The following ST3GAL1 variants were observed in gnomAD, a reference collection of about 807,000 sequenced individuals.
ST3GAL1 encodes CMP-N-acetylneuraminate-beta-galactosamide-alpha-2,3-sialyltransferase 1.
In ST3GAL1, 16 loss-of-function variants were observed where a neutral mutation model predicts 34.1. The observed-to-expected ratio is 0.47, with a 90% CI of 0.32 to 0.71. ST3GAL1 has a LOEUF of 0.71. Among genes scored for constraint, ST3GAL1 ranks in the 30% least tolerant of loss-of-function variants. The pLI is 0.04. For synonymous variants in ST3GAL1, 191 were observed against 184.7 expected, an observed-to-expected ratio of 1.03 and a Z score of -0.28; for missense variants, 353 against 447.4, an observed-to-expected ratio of 0.79 and a Z score of 1.90.
At chr8:133,518,570 G>T (rs1305234119) in intron 2 of ST3GAL1, among the ~76,000 whole-genome samples, 1 of 152,150 alleles carries the variant, frequency 6.6e-6, no homozygotes, top group African/African-American at 2.4e-5. Flanking sequence ...ATTAGTCAAG[G>T]ACTTCAGGTT....
intron 3 of ST3GAL1, among the ~76,000 whole-genome samples, chr8:133,477,187 A>C (rs1047059742): frequency 2.0e-5 from 3 of 152,180 alleles, no homozygotes; most frequent in Non-Finnish European, 4.4e-5. Flanking sequence ...GCAAAGTGGG[A>C]TACTAACACC....
At chr8:133,569,875 C>G (rs532669717) in intron 1 of ST3GAL1, among the ~76,000 whole-genome samples, 1 of 152,354 alleles carries the variant, frequency 6.6e-6, no homozygotes, top group South Asian at 2.1e-4. Context: ...GCAGCTTCTA[C>G]GAACAGGCCA....
rs1181520968 is a variant in ST3GAL1 at position 133,540,764 on chromosome 8, C to CATAT, written c.-429+5006_-429+5009dup. Among the ~76,000 whole-genome samples the CATAT allele has an allele frequency of 3.4e-3, 258 of 75,216 alleles. 8 individuals carry two copies. Among genetic ancestry groups the CATAT allele is most frequent in the South Asian group, 4.8e-3 (9 of 1,884 alleles). 49.3% of individuals were successfully genotyped at this position (75,216 alleles called of 152,430 possible). ...ATATAGACATATATATATATATAGA[C>CATAT]ATATATATATAGAGACATATATATA... On this transcript the variant is annotated intron_variant, in intron 2 of 9. Coordinates refer to ENST00000522652, the MANE Select transcript of ST3GAL1 (RefSeq NM_173344.3).
chr8:133,474,105 G>A (rs1816068534), intron 5 of ST3GAL1, among the ~76,000 whole-genome samples: 1 of 152,146 alleles, frequency 6.6e-6, no homozygotes, highest in Admixed American at 6.5e-5. Context: ...TCTCACACAT[G>A]TTTTCTGTTC....
chr8:133,469,249 C>T lies in ST3GAL1; in HGVS notation c.307-3159G>A, dbSNP rs1222813223. Among the ~76,000 whole-genome samples the T allele has an allele frequency of 6.6e-6, 1 of 152,120 alleles. No homozygotes were observed. Among genetic ancestry groups the T allele is most frequent in the Non-Finnish European group, 1.5e-5 (1 of 68,034 alleles). ...TTTGATTTGATTTGATATGGAGTCT[C>T]ACTCTATCGCCCAGGCTGGAATGCA... On this transcript the variant is annotated intron_variant, in intron 5 of 9. Coordinates refer to ENST00000522652, the MANE Select transcript of ST3GAL1 (RefSeq NM_173344.3). The surrounding 1 kb of genome is among the most constrained non-coding windows in gnomAD (Gnocchi z 4.3).
At chr8:133,550,879 T>A (rs980244741) in intron 1 of ST3GAL1, among the ~76,000 whole-genome samples, 1 of 152,196 alleles carries the variant, frequency 6.6e-6, no homozygotes, top group Non-Finnish European at 1.5e-5. Context: ...ATAACTCTCA[T>A]AAGAGAGTGT....
chr8:133,515,335 C>G (rs1387120083), intron 2 of ST3GAL1, among the ~76,000 whole-genome samples: 1 of 152,156 alleles, frequency 6.6e-6, no homozygotes, highest in African/African-American at 2.4e-5. Flanking sequence ...GATATTTGTC[C>G]CCTCCAAATC....
rs1458101417 is a variant in ST3GAL1 at position 133,457,198 on chromosome 8, C to G, written c.*2566G>C. The G allele has an allele frequency of 1.3e-5, 2 of 152,164 alleles. No individual in the cohort carries two copies. Among genetic ancestry groups the G allele is most frequent in the East Asian group, 3.9e-4 (2 of 5,190 alleles). The allele number at this position is 152,164 out of a possible 1,614,324, so 9.4% of individuals were successfully genotyped here. On this transcript the variant is annotated 3_prime_UTR_variant, in exon 10 of 10. Coordinates refer to ENST00000522652, the MANE Select transcript of ST3GAL1 (RefSeq NM_173344.3). ...GATTTGGAGGCTGGAAGAGATCTCA[C>G]AGCTTGACCACCCTAGTAGGAGGGA...
In ST3GAL1 at chr8:133,454,988, G is replaced by A. The variant is rs926644946; in HGVS notation, c.*4776C>T. On this transcript the variant is annotated 3_prime_UTR_variant, in exon 10 of 10. Transcript: ENST00000522652. Reference sequence around the variant, plus strand: ...TGCATCCCAACCAGTGCTCAGCTGCGTAACGACATGGAGAGAGGCAGGGGG... The same window carrying A: ...TGCATCCCAACCAGTGCTCAGCTGCATAACGACATGGAGAGAGGCAGGGGG... The A allele has an allele frequency of 6.6e-6, 1 of 152,266 alleles. No homozygotes were observed. The highest frequency in any genetic ancestry group is 1.9e-4 in the East Asian group (1 of 5,200). The allele number at this position is 152,266 out of a possible 1,614,324, so 9.4% of individuals were successfully genotyped here.
chr8:133,478,303 A>T (rs1307322850), intron 3 of ST3GAL1, among the ~76,000 whole-genome samples: 1 of 152,204 alleles, frequency 6.6e-6, no homozygotes, highest in African/African-American at 2.4e-5. Flanking sequence ...AGGGATGGGC[A>T]TGTGCCTTAA....
At chr8:133,514,563 C>T (rs1817589779) in intron 2 of ST3GAL1, among the ~76,000 whole-genome samples, 1 of 152,116 alleles carries the variant, frequency 6.6e-6, no homozygotes, top group Non-Finnish European at 1.5e-5. Flanking sequence ...TCTCCTCCAC[C>T]GCATGCTCTC....
At chr8:133,546,220 C>G (rs187189977) in intron 1 of ST3GAL1, among the ~76,000 whole-genome samples, 1 of 152,168 alleles carries the variant, frequency 6.6e-6, no homozygotes, top group South Asian at 2.1e-4. Flanking sequence ...GCGGCTTGGG[C>G]GCCTGTAATC....
intron 1 of ST3GAL1, among the ~76,000 whole-genome samples, chr8:133,557,038 C>G (rs1265724114): frequency 6.6e-6 from 1 of 152,152 alleles, no homozygotes; most frequent in Non-Finnish European, 1.5e-5. Context: ...CCTGGGAGAC[C>G]TTCAGGCAAT....
intron 5 of ST3GAL1, among the ~76,000 whole-genome samples, chr8:133,474,779 A>G (rs1052205513): frequency 6.6e-6 from 1 of 152,162 alleles, no homozygotes; most frequent in Non-Finnish European, 1.5e-5. Flanking sequence ...CTGCTGTCTC[A>G]GAGACCTCCC....
At chr8:133,495,934 C>T (rs1563713851) in intron 3 of ST3GAL1, among the ~76,000 whole-genome samples, 1 of 152,232 alleles carries the variant, frequency 6.6e-6, no homozygotes, top group Non-Finnish European at 1.5e-5. Flanking sequence ...AGGGCACACG[C>T]TGTGTCTTAT....
intron 2 of ST3GAL1, among the ~76,000 whole-genome samples, chr8:133,529,933 C>G (rs572300815): frequency 6.6e-6 from 1 of 152,164 alleles, no homozygotes; most frequent in Non-Finnish European, 1.5e-5. Context: ...GCCCCCTGCC[C>G]GCTCCTTTCT....
chr8:133,522,945 C>A lies in ST3GAL1; in HGVS notation c.-429+22829G>T, dbSNP rs548541176. ...AGAGAAGGTGCTAAGAAAATGAGCA[C>A]TGTGGGGAAGAGACAGGGATGAAAT... is the stretch of plus-strand genomic sequence containing the variant. On this transcript the variant is annotated intron_variant, in intron 2 of 9. Coordinates refer to ENST00000522652, the MANE Select transcript of ST3GAL1 (RefSeq NM_173344.3). Among the ~76,000 whole-genome samples, 8 of 152,310 alleles carry A rather than the reference C, an allele frequency of 5.3e-5. No individual in the cohort carries two copies. The East Asian group carries it at 9.7e-4, about 18-fold the overall frequency.
At chr8:133,463,089 C>T (rs567948381) in intron 8 of ST3GAL1, among the ~76,000 whole-genome samples, 28 of 152,302 alleles carry the variant, frequency 1.8e-4, no homozygotes, top group African/African-American at 6.0e-4. Flanking sequence ...ATTCACAAAC[C>T]GCAGCAAGCA....
chr8:133,517,496 C>T (rs531445247), intron 2 of ST3GAL1, among the ~76,000 whole-genome samples: 179 of 152,290 alleles, frequency 1.2e-3, no homozygotes, highest in African/African-American at 4.0e-3. Context: ...ACTACAGGCG[C>T]GTGCCAACCC....
Sources: gnomAD v4.1 joint callset for allele counts (sites outside exome capture counted in the v4.1 genomes callset) on GRCh38, gnomAD v4.1.1 for gene constraint, Gnocchi (gnomAD v3.1) non-coding constraint, MANE v1.5 for transcripts, NCBI Gene and HGNC (gene_info 2026-07-23, HGNC 2026-07-21) for gene names.